Variants in TEX14 observed in about 807,000 individuals in gnomAD.
TEX14 encodes the protein testis expressed 14, intercellular bridge forming factor.
In TEX14, 168 loss-of-function variants were observed where a neutral mutation model predicts 178.6. The ratio of observed to expected loss-of-function variants is 0.94; its 90% CI spans 0.83 to 1.07. The LOEUF is 1.07. Ranked by LOEUF, TEX14 falls within the 50% of genes least tolerant of loss-of-function variation. TEX14 has a pLI of 0.00. For synonymous variants in TEX14, 626 were observed against 634.1 expected, an observed-to-expected ratio of 0.99 and a Z score of 0.19; for missense variants, 1,730 against 1,753.6, an observed-to-expected ratio of 0.99 and a Z score of 0.24.
intron 26 of TEX14, among the ~76,000 whole-genome samples, chr17:58,567,455 T>C (rs12944693): frequency 0.042 from 6,372 of 152,174 alleles, 199 homozygotes; most frequent in Non-Finnish European, 0.062. Context: ...ATTTAAAAAA[T>C]CCATTTTCGT....
chr17:58,557,333 C>T (rs61548164), intron 31 of TEX14, among the ~76,000 whole-genome samples: 1,775 of 151,534 alleles, frequency 0.012, 41 homozygotes, highest in African/African-American at 0.041. Context: ...TGCAATGGCG[C>T]GACCTCGGCT....
chr17:58,566,875 TACTC>T (rs901559914), intron 26 of TEX14, among the ~76,000 whole-genome samples: 6 of 144,324 alleles, frequency 4.2e-5, no homozygotes, highest in Non-Finnish European at 9.1e-5. Flanking sequence ...CCTAAAGAAA[TACTC>T]AGCCTGGCCA....
chr17:58,559,088 T>G (rs1208477106), intron 30 of TEX14, among the ~76,000 whole-genome samples: 1 of 152,092 alleles, frequency 6.6e-6, no homozygotes, highest in African/African-American at 2.4e-5. Context: ...GGGAATCACT[T>G]GAACCCAGGA....
At position 58,682,721 on chromosome 17, in the gene TEX14, A is replaced by G. The variant is rs560798575; in HGVS notation, c.-2+9218T>C. On this transcript the variant is annotated intron_variant, in intron 1 of 31. Transcript: ENST00000349033. ...TGGCTCATGAATCCTCACAAGTCCC[A>G]GTTTCAATGTTTCACAAAAATTTCA... Among the ~76,000 whole-genome samples the G allele has an allele frequency of 7.9e-5, 12 of 152,302 alleles. No homozygotes were observed. In the South Asian group the frequency reaches 2.5e-3, roughly 32 times the overall value.
At chr17:58,601,521 CAA>C (rs1198529874) in intron 13 of TEX14, among the ~76,000 whole-genome samples, 13 of 99,800 alleles carry the variant, frequency 1.3e-4, no homozygotes, top group East Asian at 1.1e-3. Context: ...GATTCCATCT[CAA>C]AAAAAAAAAA....
chr17:58,570,616 C>CTTTTT (rs71143252), intron 24 of TEX14, 132 bp from the exon 25 acceptor site: 3 of 87,980 alleles, frequency 3.4e-5, no homozygotes, highest in Non-Finnish European at 5.6e-5. Flanking sequence ...GGGAAGCCTC[C>CTTTTT]TTTTTTTTTT....
chr17:58,679,525 TC>T (rs2047459205), intron 1 of TEX14: 1 of 152,162 alleles, frequency 6.6e-6, no homozygotes, highest in Admixed American at 6.6e-5. Context: ...ACAAGCCAGA[TC>T]AGGGGAGAGA....
intron 14 of TEX14, among the ~76,000 whole-genome samples, chr17:58,594,059 T>C (rs1233014903): frequency 6.6e-6 from 1 of 152,040 alleles, no homozygotes; most frequent in Non-Finnish European, 1.5e-5. Flanking sequence ...GGTCTCGATA[T>C]CTTGACTTTG....
intron 14 of TEX14, among the ~76,000 whole-genome samples, chr17:58,595,389 G>T (rs2045255502): frequency 6.6e-6 from 1 of 152,106 alleles, no homozygotes; most frequent in Non-Finnish European, 1.5e-5. Flanking sequence ...ATTCCCTCCT[G>T]TCCACCCTGC....
chr17:58,600,570 A>C (rs1175046576), intron 13 of TEX14, among the ~76,000 whole-genome samples: 1 of 151,888 alleles, frequency 6.6e-6, no homozygotes, highest in Non-Finnish European at 1.5e-5. Context: ...AAAAAAAAAA[A>C]AAAAGTAGCC....
At chr17:58,590,235 T>C (rs1290297564) in intron 15 of TEX14, among the ~76,000 whole-genome samples, 1 of 127,906 alleles carries the variant, frequency 7.8e-6, no homozygotes, top group Non-Finnish European at 1.6e-5. Flanking sequence ...CACTCCAGCC[T>C]GGCGACATAG....
At chr17:58,664,317 C>T (rs925627915) in intron 1 of TEX14, among the ~76,000 whole-genome samples, 1 of 152,188 alleles carries the variant, frequency 6.6e-6, no homozygotes. Context: ...CCCCTCATGG[C>T]TCTGATATCA....
Position 58,587,672 on chromosome 17 carries a change from T to C in TEX14, c.2703-6A>G, listed in dbSNP as rs775114685. ...AAACAGGTTCCACACTCATCCTGAA[T>C]TGCACGGGTTTTTTGGAGGTAGGGG... is the stretch of plus-strand genomic sequence containing the variant. On this transcript the variant is annotated splice_region_variant and splice_polypyrimidine_tract_variant and intron_variant, in intron 16 of 31. Transcript: ENST00000349033. The C allele has an allele frequency of 3.8e-6, 6 of 1,596,014 alleles. No individual in the cohort carries two copies. Among genetic ancestry groups the C allele is most frequent in the South Asian group, 2.3e-5 (2 of 88,586 alleles).
chr17:58,565,609 C>T, intron 27 of TEX14, 138 bp downstream of exon 27: 1 of 602,048 alleles, frequency 1.7e-6, no homozygotes, highest in South Asian at 2.2e-5. Context: ...AAACAGCTTG[C>T]CATACAAATA....
intron 11 of TEX14, among the ~76,000 whole-genome samples, chr17:58,603,426 C>A (rs1411088230): frequency 6.6e-6 from 1 of 151,470 alleles, no homozygotes; most frequent in Non-Finnish European, 1.5e-5. Context: ...TGGTGGCGAG[C>A]ACATGTAATC....
intron 10 of TEX14, among the ~76,000 whole-genome samples, chr17:58,607,356 C>A (rs1323691677): frequency 6.6e-6 from 1 of 152,154 alleles, no homozygotes; most frequent in Non-Finnish European, 1.5e-5. Context: ...CAGTTGTTGA[C>A]CCCAGCAACT....
chr17:58,579,732 C>G lies in TEX14; in HGVS notation c.3172-1G>C. 4 of 1,612,582 alleles carry G rather than the reference C, an allele frequency of 2.5e-6. No homozygotes were observed. Among genetic ancestry groups the G allele is most frequent in the Non-Finnish European group, 3.4e-6 (4 of 1,179,260 alleles). ...AGTCCTCTTCTATGGGACTCGAGGT[C>G]TAAAAAAGAACAAAAGAAAAGCAAA... On this transcript the variant is annotated splice_acceptor_variant, in intron 19 of 31. Transcript: ENST00000349033. LOFTEE classifies it high-confidence loss of function.
intron 10 of TEX14, among the ~76,000 whole-genome samples, chr17:58,609,887 G>A (rs1389459876): frequency 6.6e-6 from 1 of 152,210 alleles, no homozygotes; most frequent in Non-Finnish European, 1.5e-5. Context: ...CAGAGTATGT[G>A]ACAAACAAAG....
In TEX14 at chr17:58,611,161, C is replaced by A; in HGVS notation, c.1184G>T (p.Ser395Ile). 1 of 1,612,612 alleles carries A rather than the reference C, an allele frequency of 6.2e-7. No homozygotes were observed. The highest frequency in any genetic ancestry group is 8.5e-7 in the Non-Finnish European group (1 of 1,178,804). ...RLTNLEYMLESEDRGVQRDLT... is the reference protein window; with the variant it reads ...RLTNLEYMLEIEDRGVQRDLT... Reference sequence around the variant, plus strand: ...AAGTCCCACTCCATGTTATGCCCACCTTTCCAACATGTACTCCAGGTTGGT... The same window carrying A: ...AAGTCCCACTCCATGTTATGCCCACATTTCCAACATGTACTCCAGGTTGGT... The change falls in exon 10 of 32, where the codon AGC (serine) becomes ATC (isoleucine). Residue 395 changes from serine (S) to isoleucine (I), a missense_variant and splice_region_variant. Coordinates refer to ENST00000349033, the MANE Select transcript of TEX14 (RefSeq NM_031272.5).
Sources: gnomAD v4.1 joint callset for allele counts (sites outside exome capture counted in the v4.1 genomes callset) on GRCh38, gnomAD v4.1.1 for gene constraint, MANE v1.5 for transcripts, NCBI Gene and HGNC (gene_info 2026-07-23, HGNC 2026-07-21) for gene names.